The following PTPRK variants were observed in gnomAD, a reference collection of about 807,000 sequenced individuals.
PTPRK encodes the protein protein tyrosine phosphatase receptor type K.
PTPRK carries 75 observed loss-of-function variants against 178.0 expected under a neutral mutation model. That is an observed-to-expected ratio of 0.42 (90% CI 0.35 to 0.51). PTPRK has a LOEUF of 0.51. PTPRK is among the 20% of genes least tolerant of loss of function. The pLI is 0.02. For missense variants in PTPRK, 1,441 were observed against 1,797.8 expected (o/e 0.80, Z 3.59); for synonymous variants, 637 against 620.6 (o/e 1.03, Z -0.39).
chr6:128,003,345 C>T (rs1335369539), intron 15 of PTPRK: 4 of 1,062,844 alleles, frequency 3.8e-6, no homozygotes, highest in Non-Finnish European at 5.5e-6. Flanking sequence ...ATTAAACTTT[C>T]TCAGATTACT....
chr6:128,135,078 T>TCACACACACACACA lies in PTPRK; in HGVS notation c.1163-45100_1163-45087dup, dbSNP rs34254716. 8.2e-3 allele frequency among the ~76,000 whole-genome samples: 1,112 copies of TCACACACACACACA among 136,322 alleles called. 13 individuals are homozygous for TCACACACACACACA. Among genetic ancestry groups the TCACACACACACACA allele is most frequent in the East Asian group, 0.033 (150 of 4,566 alleles). The allele number at this position is 136,322 out of a possible 152,430, so 89.4% of individuals were successfully genotyped here. A position where few individuals can be genotyped will look rare whatever the true frequency, so the allele number is the denominator to read the frequency against. On this transcript the variant is annotated intron_variant, in intron 7 of 29. Coordinates refer to ENST00000368226, the MANE Select transcript of PTPRK (RefSeq NM_002844.4). ...AACCAATTTAAAATTAATCATTCAA[T>TCACACACACACACA]CACACACACACACACACACACACAC...
chr6:128,039,178 C>T (rs993536657), intron 13 of PTPRK, among the ~76,000 whole-genome samples: 1 of 152,008 alleles, frequency 6.6e-6, no homozygotes, highest in Non-Finnish European at 1.5e-5. Context: ...CATGTAATCC[C>T]AAGAAATCTG....
chr6:128,391,529 T>A (rs1839571392), intron 2 of PTPRK, among the ~76,000 whole-genome samples: 1 of 152,188 alleles, frequency 6.6e-6, no homozygotes, highest in African/African-American at 2.4e-5. Context: ...TCTGCCATGT[T>A]TTGTCTCTGG....
chr6:128,000,286 T>A, intron 15 of PTPRK: 1 of 1,293,792 alleles, frequency 7.7e-7, no homozygotes, highest in Non-Finnish European at 1.0e-6. Flanking sequence ...AAATAGGATA[T>A]AGCAAAAAAT....
chr6:128,062,899 A>G (rs1446945176), intron 13 of PTPRK: 1 of 151,908 alleles, frequency 6.6e-6, no homozygotes, highest in Admixed American at 6.6e-5. Flanking sequence ...TATTTTGCCC[A>G]AGCTGATATC....
chr6:128,195,909 C>G (rs78019434), intron 6 of PTPRK, among the ~76,000 whole-genome samples: 4,376 of 152,044 alleles, frequency 0.029, 148 homozygotes, highest in African/African-American at 0.081. Context: ...AGCAATTGTC[C>G]AAAATAGCCT....
At chr6:128,313,202 C>T (rs1827492101) in intron 3 of PTPRK, among the ~76,000 whole-genome samples, 1 of 151,998 alleles carries the variant, frequency 6.6e-6, no homozygotes. Flanking sequence ...CTCTGTCAGC[C>T]CTTATCTCTA....
chr6:128,120,065 A>G (rs1792200903), intron 7 of PTPRK, among the ~76,000 whole-genome samples: 2 of 151,970 alleles, frequency 1.3e-5, no homozygotes, highest in Admixed American at 1.3e-4. Context: ...AGTTAACTGA[A>G]AGAAATGTTG....
At chr6:128,169,408 C>T (rs1268873842) in intron 7 of PTPRK, among the ~76,000 whole-genome samples, 2 of 151,768 alleles carry the variant, frequency 1.3e-5, no homozygotes, top group Admixed American at 1.3e-4. Context: ...CTTAAGTAAG[C>T]CATGTGTTAG....
intron 7 of PTPRK, among the ~76,000 whole-genome samples, chr6:128,169,821 ATTATT>A (rs1228481882): frequency 1.5e-5 from 2 of 131,420 alleles, no homozygotes; most frequent in Non-Finnish European, 3.3e-5. Flanking sequence ...GTGTGTGTGT[ATTATT>A]TTAAGGCCAC....
intron 11 of PTPRK, 50 bp downstream of exon 11, chr6:128,078,763 A>G (rs1226983039): frequency 7.4e-7 from 1 of 1,350,650 alleles, no homozygotes; most frequent in East Asian, 2.3e-5. Flanking sequence ...GCATCTTGGG[A>G]TGTACATACC....
rs530526045 is a variant in PTPRK at position 128,351,330 on chromosome 6, C to T, written c.224-29020G>A. Among the ~76,000 whole-genome samples, 80 of 152,026 alleles carry T rather than the reference C, an allele frequency of 5.3e-4. 1 individual carries two copies. The highest frequency in any genetic ancestry group is 8.7e-4 in the Non-Finnish European group (59 of 67,974). ...TGTGTACTATGTGGTAGAAAATGAA[C>T]GCGAATTTAAACAGGACATGTTCAG... On this transcript the variant is annotated intron_variant, in intron 2 of 29. Transcript: ENST00000368226.
chr6:128,266,064 G>C (rs926368692), intron 3 of PTPRK, among the ~76,000 whole-genome samples: 5 of 152,032 alleles, frequency 3.3e-5, no homozygotes, highest in African/African-American at 1.2e-4. Flanking sequence ...CATCCTCCAG[G>C]ACAGTGAGAA....
chr6:128,218,775 T>A, intron 6 of PTPRK, 147 bp downstream of exon 6: 3 of 774,642 alleles, frequency 3.9e-6, no homozygotes, highest in Non-Finnish European at 6.0e-6. Flanking sequence ...CCTTCACACA[T>A]TCTGAGAAAT....
At chr6:128,001,026 C>T (rs1389830057) in intron 15 of PTPRK, among the ~76,000 whole-genome samples, 2 of 152,022 alleles carry the variant, frequency 1.3e-5, no homozygotes, top group Admixed American at 1.3e-4. Context: ...AAAATAATCA[C>T]ATATGCATTA....
chr6:128,501,439 A>G (rs1011249998), intron 1 of PTPRK, among the ~76,000 whole-genome samples: 82 of 152,084 alleles, frequency 5.4e-4, no homozygotes, highest in Non-Finnish European at 1.8e-4. Context: ...AAAAGGGAAA[A>G]AATACATATA....
At chr6:128,492,301 C>A (rs570774832) in intron 1 of PTPRK, among the ~76,000 whole-genome samples, 1 of 152,272 alleles carries the variant, frequency 6.6e-6, no homozygotes, top group African/African-American at 2.4e-5. Context: ...ATCCATCCAC[C>A]CCCAACTGAG....
intron 12 of PTPRK, among the ~76,000 whole-genome samples, chr6:128,066,298 T>C (rs1781742750): frequency 6.6e-6 from 1 of 152,140 alleles, no homozygotes; most frequent in South Asian, 2.1e-4. Flanking sequence ...TCTTTAAAGG[T>C]AAACGAGAAG....
intron 7 of PTPRK, among the ~76,000 whole-genome samples, chr6:128,093,607 A>ACG (rs1787383150): frequency 6.8e-6 from 1 of 147,654 alleles, no homozygotes; most frequent in African/African-American, 2.5e-5. Flanking sequence ...AAAAAAAAAA[A>ACG]AAAAAAAAAA....
Sources: allele counts gnomAD v4.1 joint callset (sites outside exome capture counted in the v4.1 genomes callset), GRCh38; gene constraint gnomAD v4.1.1; transcripts MANE v1.5; gene names NCBI Gene and HGNC (gene_info 2026-07-23, HGNC 2026-07-21).